The following SPOCK1 variants were observed in gnomAD, a reference collection of about 807,000 sequenced individuals.
The protein encoded by SPOCK1 is SPARC (osteonectin), cwcv and kazal like domains proteoglycan 1.
Under a neutral mutation model 55.3 loss-of-function variants are expected in SPOCK1, and 23 were observed. The ratio of observed to expected loss-of-function variants is 0.42; its 90% CI spans 0.30 to 0.59. The LOEUF is 0.59. SPOCK1 is among the 20% of genes least tolerant of loss of function. The pLI is 0.22. For missense variants in SPOCK1, 499 were observed against 552.5 expected, an observed-to-expected ratio of 0.90 and a Z score of 0.97; for synonymous variants, 226 against 221.0, an observed-to-expected ratio of 1.02 and a Z score of -0.20.
At chr5:137,155,940 G>A (rs1008035294) in intron 3 of SPOCK1, among the ~76,000 whole-genome samples, 4 of 152,214 alleles carry the variant, frequency 2.6e-5, no homozygotes, top group Non-Finnish European at 5.9e-5. Flanking sequence ...TCAACATCTA[G>A]AATTTTCAAC....
intron 6 of SPOCK1, among the ~76,000 whole-genome samples, chr5:137,009,125 G>A (rs375067242): frequency 1.3e-5 from 2 of 152,270 alleles, no homozygotes; most frequent in Admixed American, 1.3e-4. Flanking sequence ...AGGTCACAAA[G>A]AGAAGCCTAA....
At chr5:137,323,559 A>G (rs558120293) in intron 2 of SPOCK1, among the ~76,000 whole-genome samples, 143 of 139,546 alleles carry the variant, frequency 1.0e-3, no homozygotes, top group Admixed American at 3.9e-3. Flanking sequence ...ACAGAAGGGG[A>G]AAAAAAAAAT....
chr5:137,368,805 T>C (rs964869647), intron 2 of SPOCK1, among the ~76,000 whole-genome samples: 1 of 152,230 alleles, frequency 6.6e-6, no homozygotes, highest in African/African-American at 2.4e-5. Context: ...CAGGACTGTG[T>C]GTTCCAGAGG....
chr5:137,171,845 T>G (rs1754760666), intron 3 of SPOCK1, among the ~76,000 whole-genome samples: 2 of 152,188 alleles, frequency 1.3e-5, no homozygotes, highest in African/African-American at 4.8e-5. Context: ...AGTATCCTCG[T>G]ACCTTTCTAA....
intron 2 of SPOCK1, among the ~76,000 whole-genome samples, chr5:137,474,173 T>G (rs924896248): frequency 2.0e-5 from 3 of 151,438 alleles, no homozygotes; most frequent in African/African-American, 7.3e-5. Context: ...AAACCACCAC[T>G]AAAGAAGTTA....
At chr5:137,275,990 C>T (rs770283336) in intron 2 of SPOCK1, among the ~76,000 whole-genome samples, 5 of 152,196 alleles carry the variant, frequency 3.3e-5, no homozygotes, top group African/African-American at 7.2e-5. Flanking sequence ...GAGCCCTGCC[C>T]AGGCTGTTCA....
intron 2 of SPOCK1, among the ~76,000 whole-genome samples, chr5:137,294,661 C>G (rs1449657430): frequency 6.6e-6 from 1 of 152,312 alleles, no homozygotes; most frequent in East Asian, 1.9e-4. Context: ...AAGACAGCAT[C>G]CCACAGAGAA....
intron 5 of SPOCK1, among the ~76,000 whole-genome samples, chr5:137,093,720 G>T (rs1273672293): frequency 6.6e-6 from 1 of 152,214 alleles, no homozygotes; most frequent in Non-Finnish European, 1.5e-5. Context: ...GAAACAGCAT[G>T]CAGGCAGAGG....
At chr5:137,364,680 C>G (rs561358796) in intron 2 of SPOCK1, among the ~76,000 whole-genome samples, 5 of 152,292 alleles carry the variant, frequency 3.3e-5, no homozygotes, top group South Asian at 4.1e-4. Flanking sequence ...AACCTGCCCC[C>G]CCGAGCCTAT....
chr5:137,292,426 T>TAAAAAAAAAA (rs753574851), intron 2 of SPOCK1, among the ~76,000 whole-genome samples: 2 of 38,006 alleles, frequency 5.3e-5, no homozygotes, highest in African/African-American at 9.3e-5. Context: ...CTGGTGTAGT[T>TAAAAAAAAAA]AAAAAAAAAA....
At chr5:137,032,101 CT>C (rs1751792643) in intron 6 of SPOCK1, among the ~76,000 whole-genome samples, 1 of 150,836 alleles carries the variant, frequency 6.6e-6, no homozygotes, top group African/African-American at 2.4e-5. Flanking sequence ...AATGCCATTT[CT>C]TTTTTGGCAT....
chr5:136,988,658 G>T lies in SPOCK1; in HGVS notation c.707-15C>A. The T allele has an allele frequency of 6.2e-7, 1 of 1,603,082 alleles. No homozygotes were observed. Among genetic ancestry groups the T allele is most frequent in the African/African-American group, 1.3e-5 (1 of 74,890 alleles). On this transcript the variant is annotated splice_polypyrimidine_tract_variant and intron_variant, in intron 7 of 10. Coordinates refer to ENST00000394945, the MANE Select transcript of SPOCK1 (RefSeq NM_004598.4). ...AGTGTCAAACCCTGCCAAACAAAAG[G>T]CATATCTCAGCTGCCACCAAGCCTG...
At chr5:137,182,311 G>A (rs941764766) in intron 3 of SPOCK1, among the ~76,000 whole-genome samples, 2 of 152,134 alleles carry the variant, frequency 1.3e-5, no homozygotes, top group African/African-American at 4.8e-5. Context: ...CTTTGCTCCT[G>A]CAGTGCCCTC....
chr5:137,335,785 CCT>C (rs1277757165), intron 2 of SPOCK1, among the ~76,000 whole-genome samples: 2 of 152,214 alleles, frequency 1.3e-5, no homozygotes, highest in African/African-American at 4.8e-5. Flanking sequence ...ACACCAGTCC[CCT>C]GTTAACACAC....
At chr5:137,089,767 A>G (rs1216931206) in intron 5 of SPOCK1, among the ~76,000 whole-genome samples, 1 of 152,220 alleles carries the variant, frequency 6.6e-6, no homozygotes, top group Non-Finnish European at 1.5e-5. Context: ...TGAGTAACAA[A>G]ATTGGAAATG....
intron 2 of SPOCK1, among the ~76,000 whole-genome samples, chr5:137,297,940 G>A (rs1481861922): frequency 2.0e-5 from 3 of 152,150 alleles, no homozygotes; most frequent in Admixed American, 2.0e-4. Flanking sequence ...GACAGGAAAT[G>A]TGACCATACA....
chr5:137,166,294 T>C (rs148861763), intron 3 of SPOCK1, among the ~76,000 whole-genome samples: 31 of 152,212 alleles, frequency 2.0e-4, no homozygotes, highest in African/African-American at 7.5e-4. Context: ...AAAAAATTTT[T>C]ACCCTAGAAA....
At chr5:137,457,402 G>A (rs1753387911) in intron 2 of SPOCK1, among the ~76,000 whole-genome samples, 2 of 152,166 alleles carry the variant, frequency 1.3e-5, no homozygotes, top group Non-Finnish European at 2.9e-5. Flanking sequence ...GGGGCAGTGG[G>A]AGAGCATGAG....
chr5:137,496,810 G>A (rs1479009306), intron 2 of SPOCK1, among the ~76,000 whole-genome samples: 1 of 152,124 alleles, frequency 6.6e-6, no homozygotes, highest in African/African-American at 2.4e-5. Context: ...GGGTAGGGGA[G>A]GAAAGTGAGG....
Sources: allele counts gnomAD v4.1 joint callset (sites outside exome capture counted in the v4.1 genomes callset), GRCh38; gene constraint gnomAD v4.1.1; transcripts MANE v1.5; gene names NCBI Gene and HGNC (gene_info 2026-07-23, HGNC 2026-07-21).